The following KIAA0825 variants were observed in gnomAD, a reference collection of about 807,000 sequenced individuals.
KIAA0825 encodes the protein KIAA0825.
KIAA0825 carries 119 observed loss-of-function variants against 147.6 expected under a neutral mutation model. The ratio of observed to expected loss-of-function variants is 0.81; its 90% CI spans 0.69 to 0.94. The LOEUF is 0.94. KIAA0825 is among the 40% of genes least tolerant of loss of function. KIAA0825 has a pLI of 0.00. For missense variants in KIAA0825, 1,381 were observed against 1,472.7 expected (o/e 0.94, Z 1.02); for synonymous variants, 470 against 518.1 (o/e 0.91, Z 1.26).
intron 3 of KIAA0825, among the ~76,000 whole-genome samples, chr5:94,529,345 A>ATCATATATATGTATATATC: frequency 7.7e-6 from 1 of 129,860 alleles, no homozygotes; most frequent in Non-Finnish European, 1.7e-5. Flanking sequence ...ATATGTATAT[A>ATCATATATATGTATATATC]TCATATATGT....
chr5:94,561,454 C>A (rs1447850771), intron 2 of KIAA0825, among the ~76,000 whole-genome samples: 1 of 152,122 alleles, frequency 6.6e-6, no homozygotes, highest in Non-Finnish European at 1.5e-5. Flanking sequence ...AAGTGTGGGT[C>A]ATCTGGGAAA....
intron 20 of KIAA0825, among the ~76,000 whole-genome samples, chr5:94,347,678 T>A (rs1162605603): frequency 1.3e-5 from 2 of 151,910 alleles, no homozygotes; most frequent in African/African-American, 4.9e-5. Context: ...ACCTTCCCTC[T>A]AAAAGAGCCT....
At chr5:94,531,166 T>C (rs1377669233) in intron 3 of KIAA0825, among the ~76,000 whole-genome samples, 2 of 152,124 alleles carry the variant, frequency 1.3e-5, no homozygotes, top group Non-Finnish European at 2.9e-5. Flanking sequence ...TCCACAACAC[T>C]TGAAAGAGTC....
chr5:94,465,033 C>G lies in KIAA0825; in HGVS notation c.1899G>C (p.Gln633His). The G allele has an allele frequency of 6.4e-7, 1 of 1,551,630 alleles. No homozygotes were observed. Among genetic ancestry groups the G allele is most frequent in the Non-Finnish European group, 8.7e-7 (1 of 1,146,934 alleles). Residue 633 changes from glutamine to histidine, a missense_variant, in exon 11 of 21, where the codon CAG (glutamine) becomes CAC (histidine). Gln to His is a conservative substitution (Grantham distance 24, BLOSUM62 0). Transcript: ENST00000682413. ...GAGACCAGCAGAAATAATGCCACAT[C>G]TGGATCGAGAAGGAACATCTTTCCC... The part of the protein sequence containing the change: ...YEGERCSFSI[Q>H]MWHYFCWSLH...
In KIAA0825 at chr5:94,618,594, G is replaced by C. The variant is rs1791223814; in HGVS notation, c.-247C>G. ...GTATTACCACCCTGGCGACGGCTCC[G>C]GAGCGTCACTGACAACCACCCGGAA... On this transcript the variant is annotated 5_prime_UTR_variant, in exon 1 of 21. Transcript: ENST00000682413. The C allele has an allele frequency of 6.5e-6, 1 of 154,472 alleles. No individual in the cohort carries two copies. The highest frequency in any genetic ancestry group is 1.5e-5 in the Non-Finnish European group (1 of 68,222). 9.6% of individuals were successfully genotyped at this position (154,472 alleles called of 1,614,324 possible). A position where few individuals can be genotyped will look rare whatever the true frequency, so the allele number is the denominator to read the frequency against.
intron 20 of KIAA0825, among the ~76,000 whole-genome samples, chr5:94,312,443 C>T (rs1779271201): frequency 6.6e-6 from 1 of 151,724 alleles, no homozygotes; most frequent in South Asian, 2.1e-4. Flanking sequence ...AATGCCTGAG[C>T]AGGCCCTGAA....
At chr5:94,339,298 A>G (rs1782120448) in intron 20 of KIAA0825, among the ~76,000 whole-genome samples, 1 of 152,154 alleles carries the variant, frequency 6.6e-6, no homozygotes, top group Admixed American at 6.6e-5. Flanking sequence ...AATTCCTATG[A>G]ATATTTTCTT....
At chr5:94,285,832 A>C (rs902687661) in intron 20 of KIAA0825, among the ~76,000 whole-genome samples, 2 of 152,146 alleles carry the variant, frequency 1.3e-5, no homozygotes, top group Non-Finnish European at 2.9e-5. Context: ...TCATAGGCTT[A>C]AGCTTCTTAA....
At chr5:94,313,865 A>G (rs1396922162) in intron 20 of KIAA0825, among the ~76,000 whole-genome samples, 2 of 151,560 alleles carry the variant, frequency 1.3e-5, no homozygotes, top group Non-Finnish European at 3.0e-5. Flanking sequence ...TTGTTCTTTC[A>G]TTGCATCTGT....
At chr5:94,341,529 TGGAGGGC>T (rs1160750206) in intron 20 of KIAA0825, among the ~76,000 whole-genome samples, 1 of 152,142 alleles carries the variant, frequency 6.6e-6, no homozygotes, top group East Asian at 1.9e-4. Context: ...CGAGGTAGGA[TGGAGGGC>T]TGAGTCCATA....
At chr5:94,471,937 T>C (rs935317727) in intron 8 of KIAA0825, among the ~76,000 whole-genome samples, 1 of 152,208 alleles carries the variant, frequency 6.6e-6, no homozygotes, top group Non-Finnish European at 1.5e-5. Context: ...CTTCTCTCTA[T>C]ATAACTTTCA....
At chr5:94,597,746 T>A (rs868360709) in intron 1 of KIAA0825, among the ~76,000 whole-genome samples, 4 of 152,200 alleles carry the variant, frequency 2.6e-5, no homozygotes, top group African/African-American at 9.6e-5. Flanking sequence ...TATAGCCTAC[T>A]ATATACCTAG....
chr5:94,239,776 T>C (rs2150102124), intron 20 of KIAA0825, among the ~76,000 whole-genome samples: 1 of 152,298 alleles, frequency 6.6e-6, no homozygotes, highest in East Asian at 1.9e-4. Flanking sequence ...CTCTTTAAAC[T>C]GCCCTTTTTA....
intron 20 of KIAA0825, among the ~76,000 whole-genome samples, chr5:94,227,318 A>G (rs1408758038): frequency 6.6e-6 from 1 of 151,678 alleles, no homozygotes; most frequent in Non-Finnish European, 1.5e-5. Flanking sequence ...AACACCGCAT[A>G]TTCTCACTCA....
intron 5 of KIAA0825, among the ~76,000 whole-genome samples, chr5:94,504,433 C>T (rs2151131803): frequency 1.3e-5 from 2 of 152,256 alleles, no homozygotes; most frequent in Middle Eastern, 3.4e-3. Flanking sequence ...TTGGAACTCC[C>T]TTGAAGGCTA....
intron 20 of KIAA0825, among the ~76,000 whole-genome samples, chr5:94,240,284 T>C (rs1271186300): frequency 6.6e-6 from 1 of 152,232 alleles, no homozygotes; most frequent in African/African-American, 2.4e-5. Context: ...GATGATAGTA[T>C]GAAAGAAGTA....
chr5:94,314,243 C>G (rs1040573972), intron 20 of KIAA0825, among the ~76,000 whole-genome samples: 1 of 151,596 alleles, frequency 6.6e-6, no homozygotes. Context: ...TGTGCAGAAG[C>G]AATATATCTC....
intron 20 of KIAA0825, among the ~76,000 whole-genome samples, chr5:94,253,482 A>T (rs1174814985): frequency 6.6e-6 from 1 of 152,138 alleles, no homozygotes; most frequent in East Asian, 1.9e-4. Flanking sequence ...TACGTCAGGA[A>T]CATTATTATT....
intron 13 of KIAA0825, among the ~76,000 whole-genome samples, chr5:94,449,727 A>C (rs1758158550): frequency 6.6e-6 from 1 of 152,224 alleles, no homozygotes; most frequent in Non-Finnish European, 1.5e-5. Flanking sequence ...GTTACAGGTT[A>C]AGCCATGTGA....
Sources: gnomAD v4.1 joint callset for allele counts (sites outside exome capture counted in the v4.1 genomes callset) on GRCh38, gnomAD v4.1.1 for gene constraint, MANE v1.5 for transcripts, NCBI Gene and HGNC (gene_info 2026-07-23, HGNC 2026-07-21) for gene names.